ALPK2: variants seen among roughly 807,000 people sequenced by gnomAD.
ALPK2 encodes the protein alpha kinase 2.
Under a neutral mutation model 163.1 loss-of-function variants are expected in ALPK2, and 127 were observed. That is an observed-to-expected ratio of 0.78 (90% confidence interval 0.67 to 0.90). The LOEUF is 0.90. ALPK2 is among the 40% of genes least tolerant of loss of function. ALPK2 has a pLI of 0.00. For missense variants in ALPK2, 2,360 were observed against 2,589.6 expected, an observed-to-expected ratio of 0.91 and a Z score of 1.92; for synonymous variants, 953 against 959.1, an observed-to-expected ratio of 0.99 and a Z score of 0.12.
rs532339118 is a variant in ALPK2 at position 58,487,097 on chromosome 18, C to T, written c.6297-5058G>A. Among the ~76,000 whole-genome samples the T allele has an allele frequency of 7.9e-5, 12 of 152,246 alleles. No homozygotes were observed. In the South Asian group the frequency reaches 2.3e-3, roughly 29 times the overall value. On this transcript the variant is annotated intron_variant, in intron 12 of 12. Coordinates refer to ENST00000361673, the MANE Select transcript of ALPK2 (RefSeq NM_052947.4). ...ATAGGGGGTTGAGTAGCATCCTTGC[C>T]CACCCCATCCCCAAAGTCACGTCCT...
intron 10 of ALPK2, among the ~76,000 whole-genome samples, chr18:58,507,752 A>G (rs1160878102): frequency 1.3e-5 from 2 of 152,222 alleles, no homozygotes; most frequent in African/African-American, 4.8e-5. Flanking sequence ...TTAACCTTCA[A>G]GCTGCCCTTG....
intron 3 of ALPK2, among the ~76,000 whole-genome samples, chr18:58,598,637 C>A (rs145655141): frequency 1.3e-5 from 2 of 152,318 alleles, no homozygotes; most frequent in East Asian, 1.9e-4. Context: ...CGGGGCAAAG[C>A]CCTTCCCGGG....
chr18:58,504,857 G>T (rs150078382), intron 10 of ALPK2, among the ~76,000 whole-genome samples: 1 of 152,052 alleles, frequency 6.6e-6, no homozygotes, highest in East Asian at 1.9e-4. Context: ...GGAAGTGAGG[G>T]GAGCCATGAG....
At chr18:58,487,693 A>C (rs2051346757) in intron 12 of ALPK2, among the ~76,000 whole-genome samples, 1 of 152,162 alleles carries the variant, frequency 6.6e-6, no homozygotes, top group Non-Finnish European at 1.5e-5. Context: ...CCTCTCTCAC[A>C]ATGTCCAGAA....
intron 4 of ALPK2, chr18:58,544,988 G>A (rs2051709924): frequency 6.6e-6 from 1 of 152,194 alleles, no homozygotes; most frequent in African/African-American, 2.4e-5. Context: ...TGCTTTCCTT[G>A]TGTAAGGTAT....
rs2051663380 is a variant in ALPK2 at position 58,537,932 on chromosome 18, G to A, written c.2255C>T (p.Ser752Phe). The part of the protein sequence containing the change: ...SISEANDETM[S>F]PGVFSRHLPK... ...GAGATGCCTTGAGAACACACCTGGG[G>A]ACATAGTCTCATCATTGGCTTCTGA... is the stretch of plus-strand genomic sequence containing the variant. Residue 752 changes from serine (S) to phenylalanine (F), a missense_variant, in exon 5 of 13, where the codon TCC (serine) becomes TTC (phenylalanine). Physicochemically the swap from Ser to Phe is radical, Grantham distance 155. Transcript: ENST00000361673. 1.9e-6 allele frequency: 3 copies of A among 1,614,052 alleles called. No homozygotes were observed. Among genetic ancestry groups the A allele is most frequent in the Non-Finnish European group, 2.5e-6 (3 of 1,180,038 alleles).
chr18:58,504,112 G>T lies in ALPK2; in HGVS notation c.6066C>A (p.Asn2022Lys), dbSNP rs1215914317. ...IPIFLIHRPE[N>K]NIPYATVEEE... ...CCTCCACTGTAGCATACGGGATATT[G>T]TTCTCAGGCCGATGGATAAGAAAAA... Residue 2022 changes from asparagine to lysine, a missense_variant, in exon 11 of 13, where the codon AAC (asparagine) becomes AAA (lysine). Physicochemically the swap from Asn to Lys is moderately conservative, Grantham distance 94. Transcript: ENST00000361673. 3.1e-6 allele frequency: 5 copies of T among 1,614,160 alleles called. No homozygotes were observed. Among genetic ancestry groups the T allele is most frequent in the Non-Finnish European group, 4.2e-6 (5 of 1,180,010 alleles).
intron 11 of ALPK2, among the ~76,000 whole-genome samples, chr18:58,498,571 G>A (rs1221107463): frequency 2.0e-5 from 3 of 152,226 alleles, no homozygotes; most frequent in Non-Finnish European, 4.4e-5. Context: ...GTTTGATATG[G>A]TTTGGCCATG....
At chr18:58,614,191 A>T (rs2052151739) in intron 1 of ALPK2, among the ~76,000 whole-genome samples, 1 of 152,182 alleles carries the variant, frequency 6.6e-6, no homozygotes, top group African/African-American at 2.4e-5. Context: ...AAAAGAGAGA[A>T]AACTGCTTGG....
intron 6 of ALPK2, 96 bp downstream of exon 6, chr18:58,528,995 T>G (rs542223480): frequency 6.7e-7 from 1 of 1,502,354 alleles, no homozygotes; most frequent in African/African-American, 1.4e-5. Context: ...ATTTTCCTTT[T>G]CACGTCCTAT....
intron 4 of ALPK2, chr18:58,557,161 C>A (rs1602217047): frequency 6.6e-6 from 1 of 152,250 alleles, no homozygotes; most frequent in Non-Finnish European, 1.5e-5. Context: ...GTGGGGGCTG[C>A]CCAGCAGGGC....
chr18:58,537,084 C>G lies in ALPK2; in HGVS notation c.3103G>C (p.Gly1035Arg), dbSNP rs961159686. 2.5e-6 allele frequency: 4 copies of G among 1,614,032 alleles called. No homozygotes were observed. The African/African-American group carries it at 5.3e-5, about 22-fold the overall frequency. The change falls in exon 5 of 13, where the codon GGC (glycine) becomes CGC (arginine). Residue 1035 changes from glycine to arginine, a missense_variant. Coordinates refer to ENST00000361673, the MANE Select transcript of ALPK2 (RefSeq NM_052947.4). ...GCACGAGGGAACCTCTCCTCAGTGC[C>G]ACCTGCATGCTTGTCCTCAGGAATT... is the stretch of plus-strand genomic sequence containing the variant. ...VSIPEDKHAG[G>R]TEERFPRASH...
At chr18:58,552,468 A>C (rs894012933) in intron 4 of ALPK2, among the ~76,000 whole-genome samples, 1 of 152,236 alleles carries the variant, frequency 6.6e-6, no homozygotes, top group African/African-American at 2.4e-5. Flanking sequence ...AGACAGAAAT[A>C]ACTTGCTACA....
chr18:58,487,937 G>A (rs775506677), intron 12 of ALPK2, among the ~76,000 whole-genome samples: 1 of 152,182 alleles, frequency 6.6e-6, no homozygotes, highest in Non-Finnish European at 1.5e-5. Flanking sequence ...CTGGATGAGA[G>A]TGGTCCCTGC....
At chr18:58,506,179 C>G (rs991468025) in intron 10 of ALPK2, among the ~76,000 whole-genome samples, 1 of 151,988 alleles carries the variant, frequency 6.6e-6, no homozygotes, top group African/African-American at 2.4e-5. Flanking sequence ...CACACATGGC[C>G]ATAAAGATGG....
chr18:58,497,001 A>G (rs996435053), intron 12 of ALPK2, among the ~76,000 whole-genome samples: 2 of 152,166 alleles, frequency 1.3e-5, no homozygotes, highest in Non-Finnish European at 2.9e-5. Flanking sequence ...AAATTAGCCA[A>G]TCCTAGGACT....
intron 10 of ALPK2, among the ~76,000 whole-genome samples, chr18:58,509,233 A>G (rs957283847): frequency 1.3e-5 from 2 of 152,092 alleles, no homozygotes; most frequent in Admixed American, 1.3e-4. Flanking sequence ...TTATGGCTGC[A>G]TAGTATTCCA....
rs2052191738 is a variant in ALPK2, at chr18:58,620,299, AAAAC to A, written c.-21+8461_-21+8464del. Among the ~76,000 whole-genome samples the A allele has an allele frequency of 2.0e-5, 3 of 152,232 alleles. No homozygotes were observed. The South Asian group carries it at 6.2e-4, about 31-fold the overall frequency. ...GAGCGAAGCTCCTTCTCAAAACAAA[AAAAC>A]AAACAAAACAAAACTATGGATACAT... On this transcript the variant is annotated intron_variant, in intron 1 of 12. Transcript: ENST00000361673.
At chr18:58,499,800 A>C (rs1319509509) in intron 11 of ALPK2, among the ~76,000 whole-genome samples, 1 of 152,216 alleles carries the variant, frequency 6.6e-6, no homozygotes, top group Admixed American at 6.5e-5. Context: ...TTGCCCATGG[A>C]GGGCCCTGGC....
Sources: allele counts gnomAD v4.1 joint callset (sites outside exome capture counted in the v4.1 genomes callset), GRCh38; gene constraint gnomAD v4.1.1; transcripts MANE v1.5; gene names NCBI Gene and HGNC (gene_info 2026-07-23, HGNC 2026-07-21).